Variants in CNTNAP5 observed in about 807,000 individuals in gnomAD.
CNTNAP5 encodes contactin associated protein family member 5, also known as contactin-associated protein-like 5.
CNTNAP5 carries 72 observed loss-of-function variants against 150.2 expected under a neutral mutation model. That is an observed-to-expected ratio of 0.48 (90% CI 0.40 to 0.58). The LOEUF is 0.58. Ranked by LOEUF, CNTNAP5 falls within the 20% of genes least tolerant of loss-of-function variation. CNTNAP5 has a pLI of 0.00. For missense variants in CNTNAP5, 1,636 were observed against 1,626.2 expected (o/e 1.01, Z -0.10); for synonymous variants, 672 against 619.8 (o/e 1.08, Z -1.25).
At chr2:124,529,552 T>C (rs567867300) in intron 10 of CNTNAP5, among the ~76,000 whole-genome samples, 1 of 152,342 alleles carries the variant, frequency 6.6e-6, no homozygotes, top group South Asian at 2.1e-4. Context: ...TGAGTCACTA[T>C]TTCTTAAACT....
intron 21 of CNTNAP5, among the ~76,000 whole-genome samples, chr2:124,879,301 A>G (rs1677921538): frequency 6.6e-6 from 1 of 152,084 alleles, no homozygotes. Flanking sequence ...ATGTATGTTG[A>G]AGGAAAACAC....
intron 16 of CNTNAP5, among the ~76,000 whole-genome samples, chr2:124,769,486 G>T (rs1681144096): frequency 1.3e-5 from 2 of 152,118 alleles, no homozygotes; most frequent in South Asian, 4.2e-4. Context: ...GGGGGAAGTT[G>T]AACTTAGAGG....
intron 1 of CNTNAP5, among the ~76,000 whole-genome samples, chr2:124,160,696 G>A (rs1684654921): frequency 6.6e-6 from 1 of 152,088 alleles, no homozygotes; most frequent in Admixed American, 6.6e-5. Flanking sequence ...ACGGTAATTA[G>A]GTATAAAATG....
At chr2:124,871,277 C>CTTATTTAT (rs1401599879) in intron 21 of CNTNAP5, among the ~76,000 whole-genome samples, 6 of 135,454 alleles carry the variant, frequency 4.4e-5, no homozygotes, top group African/African-American at 2.2e-4. Context: ...TACATATTTA[C>CTTATTTAT]TTACTTATTT....
intron 6 of CNTNAP5, among the ~76,000 whole-genome samples, chr2:124,471,082 A>C (rs1431039642): frequency 6.6e-6 from 1 of 152,138 alleles, no homozygotes; most frequent in South Asian, 2.1e-4. Context: ...ATAAATTTTA[A>C]AAGAGTTTCT....
intron 1 of CNTNAP5, among the ~76,000 whole-genome samples, chr2:124,111,457 A>T (rs1683297958): frequency 6.6e-6 from 1 of 152,284 alleles, no homozygotes; most frequent in South Asian, 2.1e-4. Flanking sequence ...TGATCTTAAT[A>T]TCACTCGTAC....
intron 3 of CNTNAP5, among the ~76,000 whole-genome samples, chr2:124,265,064 T>C (rs1687570691): frequency 6.6e-6 from 1 of 152,222 alleles, no homozygotes; most frequent in Admixed American, 6.5e-5. Context: ...GGGAGACTTC[T>C]CACTTAAGGT....
intron 8 of CNTNAP5, among the ~76,000 whole-genome samples, chr2:124,507,188 G>A (rs905443915): frequency 6.6e-6 from 1 of 152,162 alleles, no homozygotes; most frequent in African/African-American, 2.4e-5. Flanking sequence ...GCCAGGCACG[G>A]TGGCTCACAC....
chr2:124,354,710 C>T (rs765831717), intron 3 of CNTNAP5, among the ~76,000 whole-genome samples: 2 of 152,198 alleles, frequency 1.3e-5, no homozygotes, highest in Admixed American at 6.5e-5. Context: ...GTCTAAGCCA[C>T]TCTTGCTTAT....
At chr2:124,136,643 G>A (rs974096283) in intron 1 of CNTNAP5, among the ~76,000 whole-genome samples, 1 of 152,162 alleles carries the variant, frequency 6.6e-6, no homozygotes, top group African/African-American at 2.4e-5. Flanking sequence ...TACTGAATGT[G>A]TTTCACCTTA....
At position 124,587,477 on chromosome 2, in the gene CNTNAP5, G is replaced by A. The variant is rs1018200904; in HGVS notation, c.1757-22324G>A. ...CCCAGATATATGGAGTCCAAGATAA[G>A]GTATAGAATAGTTGTCTCCAAATTC... On this transcript the variant is annotated intron_variant, in intron 11 of 23. Coordinates refer to ENST00000682447, the MANE Select transcript of CNTNAP5 (RefSeq NM_001367498.1). 3.9e-5 allele frequency among the ~76,000 whole-genome samples: 6 copies of A among 152,162 alleles called. 1 individual carries two copies. The South Asian group carries it at 1.2e-3, about 32-fold the overall frequency.
At chr2:124,470,635 C>G (rs943565362) in intron 6 of CNTNAP5, among the ~76,000 whole-genome samples, 1 of 152,230 alleles carries the variant, frequency 6.6e-6, no homozygotes, top group East Asian at 1.9e-4. Flanking sequence ...GTTATGAAAT[C>G]TTTGCCTGTG....
At chr2:124,540,257 A>G (rs1342779432) in intron 10 of CNTNAP5, among the ~76,000 whole-genome samples, 2 of 152,176 alleles carry the variant, frequency 1.3e-5, no homozygotes, top group Admixed American at 6.5e-5. Context: ...GGATATGGAA[A>G]TCTTCTCAGA....
chr2:124,387,783 G>T (rs1285442394), intron 3 of CNTNAP5, among the ~76,000 whole-genome samples: 1 of 152,168 alleles, frequency 6.6e-6, no homozygotes, highest in Non-Finnish European at 1.5e-5. Context: ...GCAAGTCACA[G>T]GGGATGCGAT....
intron 22 of CNTNAP5, among the ~76,000 whole-genome samples, chr2:124,907,649 G>A (rs1256023624): frequency 6.7e-6 from 1 of 150,284 alleles, no homozygotes; most frequent in Non-Finnish European, 1.5e-5. Flanking sequence ...TTTAAGCTGA[G>A]TCATTCTTTT....
chr2:124,076,349 G>C (rs537482946), intron 1 of CNTNAP5, among the ~76,000 whole-genome samples: 17 of 152,210 alleles, frequency 1.1e-4, no homozygotes, highest in Admixed American at 7.2e-4. Context: ...TCTTGAAACT[G>C]TTTCTCAAGA....
intron 10 of CNTNAP5, among the ~76,000 whole-genome samples, chr2:124,531,792 C>A (rs1695114702): frequency 6.6e-6 from 1 of 152,060 alleles, no homozygotes; most frequent in Non-Finnish European, 1.5e-5. Flanking sequence ...AATGTGTAAC[C>A]CCATTTTCCA....
At chr2:124,234,311 G>A (rs972996541) in intron 2 of CNTNAP5, among the ~76,000 whole-genome samples, 6 of 152,120 alleles carry the variant, frequency 3.9e-5, no homozygotes, top group African/African-American at 1.2e-4. Flanking sequence ...CATTTTATAA[G>A]AGAAATTTTA....
intron 3 of CNTNAP5, among the ~76,000 whole-genome samples, chr2:124,251,862 C>T (rs1008778104): frequency 2.0e-5 from 3 of 152,148 alleles, no homozygotes; most frequent in Non-Finnish European, 2.9e-5. Flanking sequence ...TAGAGTTCCA[C>T]GAATGGACTG....
Sources: allele counts gnomAD v4.1 joint callset (sites outside exome capture counted in the v4.1 genomes callset), GRCh38; gene constraint gnomAD v4.1.1; transcripts MANE v1.5; gene names NCBI Gene and HGNC (gene_info 2026-07-23, HGNC 2026-07-21).